The following SPRED1 variants were observed in gnomAD, a reference collection of about 807,000 sequenced individuals.
SPRED1 encodes sprouty-related, EVH1 domain-containing protein 1.
Under a neutral mutation model 52.3 loss-of-function variants are expected in SPRED1, and 18 were observed. That is an observed-to-expected ratio of 0.34 (90% CI 0.24 to 0.51). SPRED1 has a LOEUF of 0.51. SPRED1 is among the 20% of genes least tolerant of loss of function. The pLI is 0.97. For missense variants in SPRED1, 485 were observed against 551.0 expected, an observed-to-expected ratio of 0.88 and a Z score of 1.20; for synonymous variants, 155 against 179.7, an observed-to-expected ratio of 0.86 and a Z score of 1.10.
chr15:38,289,429 T>A (rs1230351156), intron 1 of SPRED1, among the ~76,000 whole-genome samples: 2 of 151,944 alleles, frequency 1.3e-5, no homozygotes, highest in East Asian at 3.9e-4. Context: ...TTTCCTGTTA[T>A]ATGCCATTTG....
Position 38,339,494 on chromosome 15 carries a change from C to T in SPRED1, c.424-243C>T, listed in dbSNP as rs139588369. On this transcript the variant is annotated intron_variant, in intron 4 of 6. Coordinates refer to ENST00000299084, the MANE Select transcript of SPRED1 (RefSeq NM_152594.3). ...TGACATGGTTAGCCTTTTAGTTCTT[C>T]ATGTTATTTTTAATAAGCCCATTTT... Among the ~76,000 whole-genome samples the T allele has an allele frequency of 2.9e-3, 444 of 152,204 alleles. 4 individuals are homozygous for T. The highest frequency in any genetic ancestry group is 0.01 in the African/African-American group (433 of 41,538).
chr15:38,310,981 T>C (rs1895355401), intron 2 of SPRED1, among the ~76,000 whole-genome samples: 1 of 152,210 alleles, frequency 6.6e-6, no homozygotes, highest in Admixed American at 6.5e-5. Context: ...CCTCCAATTC[T>C]ATATGGAATA....
intron 1 of SPRED1, among the ~76,000 whole-genome samples, chr15:38,262,415 G>C (rs1894225150): frequency 6.6e-6 from 1 of 152,200 alleles, no homozygotes; most frequent in Non-Finnish European, 1.5e-5. Context: ...CTGTGTGAAG[G>C]AAGGCTTCAG....
intron 1 of SPRED1, among the ~76,000 whole-genome samples, chr15:38,280,376 A>G (rs1894662325): frequency 6.6e-6 from 1 of 152,310 alleles, no homozygotes; most frequent in East Asian, 1.9e-4. Context: ...GGGTATTGGC[A>G]GTAGATTGAT....
intron 1 of SPRED1, among the ~76,000 whole-genome samples, chr15:38,298,264 G>T (rs781408725): frequency 1.3e-5 from 2 of 152,136 alleles, no homozygotes; most frequent in East Asian, 3.8e-4. Flanking sequence ...TGATGGGAAT[G>T]TGTAACAGTA....
At chr15:38,314,785 TTAAAA>T (rs1433033659) in intron 2 of SPRED1, among the ~76,000 whole-genome samples, 6 of 151,912 alleles carry the variant, frequency 3.9e-5, no homozygotes, top group Admixed American at 1.3e-4. Context: ...ATAATGTGTG[TTAAAA>T]TAAAGTGCCA....
At chr15:38,276,905 G>GT (rs1484432572) in intron 1 of SPRED1, among the ~76,000 whole-genome samples, 2 of 152,170 alleles carry the variant, frequency 1.3e-5, no homozygotes, top group Non-Finnish European at 2.9e-5. Context: ...CTATAAAGTT[G>GT]TGTTAGGTTA....
chr15:38,339,965 G>A (rs1419468932), intron 5 of SPRED1, 70 bp downstream of exon 5: 55 of 1,589,914 alleles, frequency 3.5e-5, no homozygotes, highest in Non-Finnish European at 4.7e-5. Context: ...CATAGATAAG[G>A]ACGTTAAAAC....
chr15:38,324,382 GTT>G (rs1412465614), intron 3 of SPRED1, among the ~76,000 whole-genome samples: 1 of 152,124 alleles, frequency 6.6e-6, no homozygotes, highest in Non-Finnish European at 1.5e-5. Flanking sequence ...ACTAAATACT[GTT>G]TCCTGGGTCA....
chr15:38,278,462 G>A (rs1469896199), intron 1 of SPRED1, among the ~76,000 whole-genome samples: 1 of 152,176 alleles, frequency 6.6e-6, no homozygotes, highest in African/African-American at 2.4e-5. Context: ...CAGCGTGGAT[G>A]ACACAGAGAG....
At chr15:38,300,497 C>T (rs1043186895) in intron 2 of SPRED1, among the ~76,000 whole-genome samples, 4 of 152,106 alleles carry the variant, frequency 2.6e-5, no homozygotes, top group African/African-American at 9.7e-5. Context: ...ATATGACTTA[C>T]TTTCAGTTTG....
chr15:38,340,206 A>G (rs949758986), intron 5 of SPRED1, among the ~76,000 whole-genome samples: 3 of 152,200 alleles, frequency 2.0e-5, no homozygotes, highest in Non-Finnish European at 4.4e-5. Context: ...TGTGTTTACT[A>G]TATGTTTTTA....
At chr15:38,267,069 T>C (rs1894321461) in intron 1 of SPRED1, among the ~76,000 whole-genome samples, 1 of 152,174 alleles carries the variant, frequency 6.6e-6, no homozygotes, top group Non-Finnish European at 1.5e-5. Flanking sequence ...CAATGAGCAA[T>C]AATTACATCA....
rs796728714 is a variant in SPRED1 at position 38,287,320 on chromosome 15, C to T, written c.33-12053C>T. On this transcript the variant is annotated intron_variant, in intron 1 of 6. Coordinates refer to ENST00000299084, the MANE Select transcript of SPRED1 (RefSeq NM_152594.3). ...CTCACCTGGATTTCTAGCATGCCAC[C>T]TTCATCTATTGCTGACTCCCTTTCC... 3.2e-4 allele frequency among the ~76,000 whole-genome samples: 48 copies of T among 152,244 alleles called. 2 individuals carry two copies. The highest frequency in any genetic ancestry group is 1.1e-3 in the African/African-American group (47 of 41,554).
At chr15:38,298,297 C>A (rs1232751575) in intron 1 of SPRED1, among the ~76,000 whole-genome samples, 1 of 152,116 alleles carries the variant, frequency 6.6e-6, no homozygotes, top group African/African-American at 2.4e-5. Context: ...AAGATAATGT[C>A]TTGTATAGTT....
chr15:38,279,808 A>G (rs769725839), intron 1 of SPRED1, among the ~76,000 whole-genome samples: 4 of 152,264 alleles, frequency 2.6e-5, no homozygotes, highest in Non-Finnish European at 2.9e-5. Context: ...CTAATGTAGA[A>G]TAAGAACTAG....
At chr15:38,265,805 T>C (rs1894297480) in intron 1 of SPRED1, among the ~76,000 whole-genome samples, 3 of 152,152 alleles carry the variant, frequency 2.0e-5, no homozygotes, top group Non-Finnish European at 2.9e-5. Flanking sequence ...TATTGTTGTA[T>C]GGCAAGCAGA....
rs189534386 is a variant in SPRED1, at chr15:38,270,947, C to T, written c.32+17730C>T. Among the ~76,000 whole-genome samples the T allele has an allele frequency of 4.6e-5, 7 of 152,192 alleles. No individual in the cohort carries two copies. In the East Asian group the frequency reaches 1.4e-3, roughly 29 times the overall value. ...TGAGGTAGTGCTTTGTAAAGCTAATCATCTTTATGATCTGCTAGATGAACC... is the reference window on the plus strand; with the variant it reads ...TGAGGTAGTGCTTTGTAAAGCTAATTATCTTTATGATCTGCTAGATGAACC... On this transcript the variant is annotated intron_variant, in intron 1 of 6. Coordinates refer to ENST00000299084, the MANE Select transcript of SPRED1 (RefSeq NM_152594.3).
Position 38,351,518 on chromosome 15 carries a change from G to A in SPRED1, c.1189G>A (p.Asp397Asn), listed in dbSNP as rs1888488545. 2 of 1,614,094 alleles carry A rather than the reference G, an allele frequency of 1.2e-6. No homozygotes were observed. Among genetic ancestry groups the A allele is most frequent in the Non-Finnish European group, 1.7e-6 (2 of 1,180,000 alleles). ...TGATCCCTGTTCGTGTGACACTAGC[G>A]ACGACAAGTTCTGCTTGCGATGGTT... ...FSDPCSCDTS[D>N]DKFCLRWLAL... The change falls in exon 7 of 7, where the codon GAC becomes AAC. Residue 397 changes from aspartate to asparagine, a missense_variant. Physicochemically the swap from Asp to Asn is conservative, Grantham distance 23 (BLOSUM62 1). Coordinates refer to ENST00000299084, the MANE Select transcript of SPRED1 (RefSeq NM_152594.3).
Sources: allele counts gnomAD v4.1 joint callset (sites outside exome capture counted in the v4.1 genomes callset), GRCh38; gene constraint gnomAD v4.1.1; transcripts MANE v1.5; gene names NCBI Gene and HGNC (gene_info 2026-07-23, HGNC 2026-07-21).